The following MARK3 variants were observed in gnomAD, a reference collection of about 807,000 sequenced individuals.
MARK3 encodes microtubule affinity regulating kinase 3.
Under a neutral mutation model 90.1 loss-of-function variants are expected in MARK3, and 46 were observed. The observed-to-expected ratio is 0.51, with a 90% CI of 0.40 to 0.65. The LOEUF (loss-of-function observed/expected upper bound fraction) is 0.65. Among genes scored for constraint, MARK3 ranks in the 30% least tolerant of loss-of-function variants. The pLI, the probability that MARK3 is intolerant of heterozygous loss-of-function variation, is 0.00. For missense variants in MARK3, 818 were observed against 947.2 expected (o/e 0.86, Z 1.79); for synonymous variants, 321 against 332.6 (o/e 0.97, Z 0.38).
chr14:103,495,088 A>T lies in MARK3; in HGVS notation c.1844+3054A>T, dbSNP rs77240147. Among the ~76,000 whole-genome samples the T allele has an allele frequency of 2.1e-3, 321 of 152,338 alleles. 4 individuals are homozygous for T. In the East Asian group the frequency reaches 0.049, roughly 23 times the overall value. On this transcript the variant is annotated intron_variant, in intron 15 of 17. Transcript: ENST00000429436. ...TTTATACACATGTACAAGTGTGCAC[A>T]CACACTCATTTAATTTAATCTCCAT...
chr14:103,483,058 T>C (rs1382791862), intron 14 of MARK3, among the ~76,000 whole-genome samples: 3 of 152,226 alleles, frequency 2.0e-5, no homozygotes, highest in Non-Finnish European at 4.4e-5. Context: ...GTTTAACTTC[T>C]TTAGTTAAGG....
chr14:103,393,101 C>T (rs2090365412), intron 1 of MARK3, among the ~76,000 whole-genome samples: 1 of 152,244 alleles, frequency 6.6e-6, no homozygotes, highest in African/African-American at 2.4e-5. Flanking sequence ...CTGCCTCAGC[C>T]TCCCGAGTAG....
intron 14 of MARK3, chr14:103,490,803 A>G (rs10141919): frequency 0.024 from 7,415 of 304,428 alleles, 592 homozygotes; most frequent in African/African-American, 0.16. Flanking sequence ...TTGCTCCAGA[A>G]TCTCCAAAAC....
At chr14:103,431,981 CCT>C (rs1480691785) in intron 3 of MARK3, among the ~76,000 whole-genome samples, 1 of 151,870 alleles carries the variant, frequency 6.6e-6, no homozygotes, top group Non-Finnish European at 1.5e-5. Context: ...TTGTTTCCCC[CCT>C]CCCACCTGAA....
At chr14:103,412,477 A>G in intron 2 of MARK3, 2 of 516,756 alleles carry the variant, frequency 3.9e-6, no homozygotes, top group Non-Finnish European at 7.0e-6. Context: ...TCTTGACCAG[A>G]TTCTTATTCT....
At chr14:103,476,918 G>A (rs574671560) in intron 13 of MARK3, among the ~76,000 whole-genome samples, 13 of 152,184 alleles carry the variant, frequency 8.5e-5, no homozygotes, top group East Asian at 5.8e-4. Flanking sequence ...TTAAAATTCC[G>A]TCTCCAACGT....
chr14:103,428,772 A>G (rs1458556201), intron 3 of MARK3, among the ~76,000 whole-genome samples: 1 of 152,104 alleles, frequency 6.6e-6, no homozygotes, highest in Non-Finnish European at 1.5e-5. Flanking sequence ...GTACAAAAAT[A>G]TTTTCATGTA....
chr14:103,482,372 T>C (rs1156572068), intron 14 of MARK3, among the ~76,000 whole-genome samples: 1 of 151,722 alleles, frequency 6.6e-6, no homozygotes, highest in Admixed American at 6.6e-5. Flanking sequence ...AATACGAAAA[T>C]TAACCATGTG....
chr14:103,452,387 G>T (rs1038470992), intron 5 of MARK3, among the ~76,000 whole-genome samples: 2 of 150,726 alleles, frequency 1.3e-5, no homozygotes, highest in Non-Finnish European at 2.9e-5. Context: ...CCTTCTCCCA[G>T]TCCTTGGCAA....
intron 1 of MARK3, among the ~76,000 whole-genome samples, chr14:103,395,321 T>C (rs1466399552): frequency 1.3e-5 from 2 of 151,768 alleles, no homozygotes; most frequent in Non-Finnish European, 2.9e-5. Flanking sequence ...CACTCGGCTG[T>C]GCCTCATGGT....
At chr14:103,483,358 C>T (rs2093861554) in intron 14 of MARK3, among the ~76,000 whole-genome samples, 1 of 152,138 alleles carries the variant, frequency 6.6e-6, no homozygotes, top group Non-Finnish European at 1.5e-5. Flanking sequence ...GGAATTTCAA[C>T]ATGAGAATAA....
At chr14:103,429,220 A>G (rs2092506436) in intron 3 of MARK3, 1 of 152,244 alleles carries the variant, frequency 6.6e-6, no homozygotes, top group Non-Finnish European at 1.5e-5. Context: ...TGAGGGGGGT[A>G]CAGAGACCAT....
intron 15 of MARK3, among the ~76,000 whole-genome samples, chr14:103,493,335 A>G (rs563095509): frequency 1.1e-3 from 163 of 145,808 alleles, no homozygotes; most frequent in Non-Finnish European, 2.1e-3. Flanking sequence ...GCTAACTTCA[A>G]CCTCCGCCTA....
At chr14:103,472,697 T>C (rs1016227085) in intron 12 of MARK3, among the ~76,000 whole-genome samples, 1 of 146,392 alleles carries the variant, frequency 6.8e-6, no homozygotes. Context: ...ATCCATACCA[T>C]GGACTACTAC....
At chr14:103,414,887 C>CT (rs1371992261) in intron 2 of MARK3, among the ~76,000 whole-genome samples, 1 of 152,060 alleles carries the variant, frequency 6.6e-6, no homozygotes, top group African/African-American at 2.4e-5. Flanking sequence ...AATTCCAGCA[C>CT]TTTAGGAGGC....
intron 2 of MARK3, among the ~76,000 whole-genome samples, chr14:103,420,319 TC>T (rs2092154337): frequency 6.6e-6 from 1 of 152,084 alleles, no homozygotes; most frequent in Non-Finnish European, 1.5e-5. Context: ...GCTCTCTACC[TC>T]CTGGGCCCAA....
At chr14:103,432,109 A>T (rs538053768) in intron 3 of MARK3, among the ~76,000 whole-genome samples, 1 of 152,068 alleles carries the variant, frequency 6.6e-6, no homozygotes, top group African/African-American at 2.4e-5. Flanking sequence ...TTAGATATGG[A>T]TGTCTCCATC....
intron 5 of MARK3, among the ~76,000 whole-genome samples, chr14:103,454,508 C>T (rs960589908): frequency 5.9e-5 from 9 of 152,154 alleles, no homozygotes; most frequent in African/African-American, 2.2e-4. Flanking sequence ...CCTTGGCCTC[C>T]CAAATTGCTG....
At chr14:103,486,532 C>G (rs548270294) in intron 14 of MARK3, among the ~76,000 whole-genome samples, 1 of 152,098 alleles carries the variant, frequency 6.6e-6, no homozygotes, top group African/African-American at 2.4e-5. Context: ...AAATGTAATG[C>G]TGCTACTGTT....
Sources: allele counts gnomAD v4.1 joint callset (sites outside exome capture counted in the v4.1 genomes callset), GRCh38; gene constraint gnomAD v4.1.1; transcripts MANE v1.5; gene names NCBI Gene and HGNC (gene_info 2026-07-23, HGNC 2026-07-21).